BAIAP2: variants seen among roughly 807,000 people sequenced by gnomAD.
BAIAP2 encodes the protein BAR/IMD domain-containing adapter protein 2.
BAIAP2 carries 18 observed loss-of-function variants against 63.0 expected under a neutral mutation model. The observed-to-expected ratio is 0.29, with a 90% confidence interval of 0.20 to 0.42. The LOEUF (loss-of-function observed/expected upper bound fraction) is 0.42. BAIAP2 is among the 10% of genes least tolerant of loss of function. The pLI, the probability that BAIAP2 is intolerant of heterozygous loss-of-function variation, is 1.00. For synonymous variants in BAIAP2, 386 were observed against 307.6 expected (o/e 1.25, Z -2.67); for missense variants, 610 against 734.3 (o/e 0.83, Z 1.96).
At chr17:81,100,724 C>T (rs978554189) in intron 7 of BAIAP2, among the ~76,000 whole-genome samples, 1 of 152,174 alleles carries the variant, frequency 6.6e-6, no homozygotes. Flanking sequence ...CCAAACCTGC[C>T]CTATCTCTTT....
At chr17:81,045,690 C>T (rs2045123742) in intron 1 of BAIAP2, among the ~76,000 whole-genome samples, 1 of 152,186 alleles carries the variant, frequency 6.6e-6, no homozygotes, top group African/African-American at 2.4e-5. Flanking sequence ...TGACCCATGG[C>T]CAGGCTGCCC....
intron 6 of BAIAP2, among the ~76,000 whole-genome samples, chr17:81,088,141 C>T (rs12601002): frequency 0.22 from 33,388 of 151,998 alleles, 4,431 homozygotes; most frequent in Admixed American, 0.35. Flanking sequence ...GGCACCCCTG[C>T]GGCCTGGAGG....
intron 9 of BAIAP2, 24 bp downstream of exon 9, chr17:81,104,132 G>T: frequency 6.2e-7 from 1 of 1,611,316 alleles, no homozygotes; most frequent in Non-Finnish European, 8.5e-7. Context: ...TGGGGTGTTG[G>T]GCTGGGGTCC....
At chr17:81,110,343 C>T (rs914919036) in intron 13 of BAIAP2, 1 of 986,308 alleles carries the variant, frequency 1.0e-6, no homozygotes, top group Admixed American at 6.1e-5. Context: ...GATTTCAAAT[C>T]CAGGGGATTC....
intron 6 of BAIAP2, among the ~76,000 whole-genome samples, chr17:81,091,634 G>T (rs1300344378): frequency 6.6e-6 from 1 of 152,206 alleles, no homozygotes; most frequent in African/African-American, 2.4e-5. Flanking sequence ...TGGAGTGCAG[G>T]GCAGGAGTCT....
intron 13 of BAIAP2, among the ~76,000 whole-genome samples, chr17:81,114,558 G>A (rs1266327514): frequency 1.3e-5 from 2 of 152,204 alleles, no homozygotes; most frequent in East Asian, 3.8e-4. Context: ...CTTTCAGCAG[G>A]GTGCCAATGC....
chr17:81,110,230 G>C, intron 13 of BAIAP2: 1 of 985,398 alleles, frequency 1.0e-6, no homozygotes, highest in Non-Finnish European at 1.2e-6. Flanking sequence ...TGTTTGTGTG[G>C]GAAGCAGCTC....
chr17:81,064,442 T>A (rs1466181107), intron 3 of BAIAP2, among the ~76,000 whole-genome samples: 1 of 152,226 alleles, frequency 6.6e-6, no homozygotes, highest in Non-Finnish European at 1.5e-5. Flanking sequence ...GCTCTGTTCT[T>A]CCTGGGAAGA....
At chr17:81,040,150 G>C (rs2046878156) in intron 1 of BAIAP2, among the ~76,000 whole-genome samples, 1 of 152,220 alleles carries the variant, frequency 6.6e-6, no homozygotes, top group Non-Finnish European at 1.5e-5. Flanking sequence ...GTTGAGGCTG[G>C]CTCCTGTCCT....
chr17:81,096,971 G>T (rs951549844), intron 6 of BAIAP2, among the ~76,000 whole-genome samples: 3 of 152,086 alleles, frequency 2.0e-5, no homozygotes, highest in Non-Finnish European at 4.4e-5. Flanking sequence ...AGAAGAAGGA[G>T]AAAGGAGAGG....
intron 8 of BAIAP2, 41 bp from the exon 9 acceptor site, chr17:81,103,866 G>A (rs764796647): frequency 3.1e-6 from 5 of 1,608,560 alleles, no homozygotes; most frequent in African/African-American, 2.7e-5. Flanking sequence ...CTTGCCCGGG[G>A]TGGGCTCCAG....
At chr17:81,067,544 G>A (rs915780619) in intron 3 of BAIAP2, among the ~76,000 whole-genome samples, 21 of 151,350 alleles carry the variant, frequency 1.4e-4, no homozygotes, top group Admixed American at 1.3e-3. Flanking sequence ...TGTTGCAGCC[G>A]CGGCAGCCAA....
At chr17:81,072,799 G>A (rs939786905) in intron 3 of BAIAP2, among the ~76,000 whole-genome samples, 2 of 152,048 alleles carry the variant, frequency 1.3e-5, no homozygotes, top group South Asian at 2.1e-4. Flanking sequence ...GGGGCCATTG[G>A]TGTCAGAGTG....
At chr17:81,083,891 C>CT (rs1488929971) in intron 3 of BAIAP2, 1 of 152,324 alleles carries the variant, frequency 6.6e-6, no homozygotes, top group Non-Finnish European at 1.5e-5. Flanking sequence ...CTCTGTGCCC[C>CT]TCTCTTTGGT....
chr17:81,053,010 GTTGT>G (rs1008099678), intron 1 of BAIAP2, among the ~76,000 whole-genome samples: 4 of 152,224 alleles, frequency 2.6e-5, no homozygotes, highest in African/African-American at 9.7e-5. Flanking sequence ...TCATTTGGCT[GTTGT>G]TTGTGTGTGC....
intron 3 of BAIAP2, among the ~76,000 whole-genome samples, chr17:81,059,771 A>C (rs1011694480): frequency 6.6e-6 from 1 of 152,170 alleles, no homozygotes; most frequent in Non-Finnish European, 1.5e-5. Context: ...TTGTCTTACC[A>C]TAATTAACCA....
At chr17:81,054,955 C>T (rs1468477467) in intron 2 of BAIAP2, among the ~76,000 whole-genome samples, 4 of 152,168 alleles carry the variant, frequency 2.6e-5, no homozygotes, top group African/African-American at 9.7e-5. Context: ...CCCCGGTCTC[C>T]CTGTACCCTC....
intron 2 of BAIAP2, chr17:81,057,666 G>T: frequency 7.4e-7 from 1 of 1,348,614 alleles, no homozygotes; most frequent in Non-Finnish European, 9.5e-7. Flanking sequence ...GTGTTCTTAC[G>T]AGTCAAGGGA....
intron 13 of BAIAP2, chr17:81,109,372 T>TAAAAAAAA (rs747875777): frequency 3.4e-6 from 3 of 890,608 alleles, no homozygotes; most frequent in African/African-American, 2.1e-5. Flanking sequence ...AGAAAAATCT[T>TAAAAAAAA]AAAAAAAAAA....
Sources: allele counts gnomAD v4.1 joint callset (sites outside exome capture counted in the v4.1 genomes callset), GRCh38; gene constraint gnomAD v4.1.1; transcripts MANE v1.5; gene names NCBI Gene and HGNC (gene_info 2026-07-23, HGNC 2026-07-21).